The following UBTF variants were observed in gnomAD, a reference collection of about 807,000 sequenced individuals.
UBTF encodes nucleolar transcription factor 1.
A neutral mutation model predicts 112.3 loss-of-function variants in UBTF; 8 were observed. The observed-to-expected ratio is 0.07, with a 90% CI of 0.04 to 0.13. The LOEUF is 0.13. Among genes scored for constraint, UBTF ranks in the 10% least tolerant of loss-of-function variants. UBTF has a pLI of 1.00. For synonymous variants in UBTF, 417 were observed against 373.1 expected (o/e 1.12, Z -1.36); for missense variants, 457 against 982.1 (o/e 0.47, Z 7.15).
intron 2 of UBTF, among the ~76,000 whole-genome samples, chr17:44,217,223 A>G (rs1256370740): frequency 1.3e-5 from 2 of 152,198 alleles, no homozygotes; most frequent in East Asian, 1.9e-4. Flanking sequence ...CTGGAAACCA[A>G]TGTTAGAGAC....
chr17:44,217,127 T>C (rs2046884550), intron 2 of UBTF, among the ~76,000 whole-genome samples: 1 of 152,142 alleles, frequency 6.6e-6, no homozygotes, highest in Admixed American at 6.5e-5. Flanking sequence ...CAAGTTCAAG[T>C]TCTGAGTGGA....
At chr17:44,213,408 TG>T (rs1213950633) in intron 5 of UBTF, 126 bp from the exon 6 acceptor site, 1 of 1,054,044 alleles carries the variant, frequency 9.5e-7, no homozygotes, top group Non-Finnish European at 1.3e-6. Flanking sequence ...GAGTGGAGGC[TG>T]GCGCCCTGCC....
At chr17:44,216,939 G>A (rs1333658029) in intron 2 of UBTF, among the ~76,000 whole-genome samples, 1 of 152,230 alleles carries the variant, frequency 6.6e-6, no homozygotes, top group Non-Finnish European at 1.5e-5. Flanking sequence ...TCGAACTCAA[G>A]TCTGGCTTGC....
chr17:44,213,867 C>T (rs1218087609), intron 5 of UBTF, among the ~76,000 whole-genome samples: 1 of 152,128 alleles, frequency 6.6e-6, no homozygotes, highest in Non-Finnish European at 1.5e-5. Context: ...CTCACACCAT[C>T]ACCTTCTTCT....
Position 44,210,415 on chromosome 17 carries a change from C to A in UBTF, c.1418G>T (p.Gly473Val). 6.2e-7 allele frequency: 1 copy of A among 1,614,110 alleles called. No homozygotes were observed. Residue 473 changes from glycine (G) to valine (V), a missense_variant, in exon 14 of 21, where the codon GGG (glycine) becomes GTG (valine). By Grantham distance (109) the Gly-to-Val change is moderately radical. Around this residue, in one of 7 missense-constraint regions of UBTF, gnomAD observed 108 missense variants for 137.4 expected, o/e 0.79. Transcript: ENST00000436088. Reference protein sequence around the residue: ...LKAQSERKPGGEREERGKLPE... With the variant: ...LKAQSERKPGVEREERGKLPE... Reference sequence around the variant, plus strand: ...CAGCTTGCCCCGTTCCTCGCGCTCCCCGCCGGGCTTCCTCTCCGACTGAGC... The same window carrying A: ...CAGCTTGCCCCGTTCCTCGCGCTCCACGCCGGGCTTCCTCTCCGACTGAGC...
chr17:44,208,912 C>T (rs945313184), intron 17 of UBTF: 34 of 358,962 alleles, frequency 9.5e-5, no homozygotes, highest in Non-Finnish European at 1.5e-4. Context: ...TGGCTGCGGA[C>T]GGTGGCTCAA....
At chr17:44,216,083 T>C (rs2046830073) in intron 3 of UBTF, 94 bp from the exon 4 acceptor site, 1 of 981,396 alleles carries the variant, frequency 1.0e-6, no homozygotes, top group South Asian at 1.7e-5. Flanking sequence ...TCTTCTACTC[T>C]TTACTAGACT....
At chr17:44,213,342 A>C (rs536395950) in intron 5 of UBTF, 60 bp from the exon 6 acceptor site, 1 of 1,556,552 alleles carries the variant, frequency 6.4e-7, no homozygotes, top group Non-Finnish European at 8.8e-7. Flanking sequence ...CTGAGCTATG[A>C]AGGCCACCCA....
chr17:44,216,328 C>A lies in UBTF; in HGVS notation c.234+201G>T, dbSNP rs1383970887. ...TCAGGCTGTTTGGCTCAAGACCACT[C>A]AGATAGAAAGTGGCATAACTTTAAG... On this transcript the variant is annotated intron_variant, in intron 3 of 20. Transcript: ENST00000436088. The A allele has an allele frequency of 1.5e-5, 10 of 654,732 alleles. No homozygotes were observed. In the South Asian group the frequency reaches 1.8e-4, roughly 12 times the overall value. The allele number at this position is 654,732 out of a possible 1,614,324, so 40.6% of individuals were successfully genotyped here. A position where few individuals can be genotyped will look rare whatever the true frequency, so the allele number is the denominator to read the frequency against.
chr17:44,211,397 G>C lies in UBTF; in HGVS notation c.1048-66C>G. On this transcript the variant is annotated intron_variant, in intron 10 of 20. Transcript: ENST00000436088. The surrounding 1 kb of genome is among the most constrained non-coding windows in gnomAD (Gnocchi z 4.9). ...GTCACCACAGACCCTGCAGTACTCG[G>C]AGGACAGTGACCTTCAGCGGGCCTC... 1 of 1,605,386 alleles carries C rather than the reference G, an allele frequency of 6.2e-7. No homozygotes were observed. The highest frequency in any genetic ancestry group is 1.7e-5 in the Admixed American group (1 of 59,598).
At chr17:44,207,394 C>T (rs2056316957) in intron 20 of UBTF, 27 bp from the exon 21 acceptor site, 4 of 1,612,026 alleles carry the variant, frequency 2.5e-6, no homozygotes, top group Admixed American at 1.7e-5. Context: ...GATGTGGAGT[C>T]ACCAGGTGGC....
Position 44,209,055 on chromosome 17 carries a change from G to A in UBTF, c.1905+297C>T, listed in dbSNP as rs1367782964. ...GTGGTGGTACATGTCTGTAGCCCCA[G>A]CTACTCTGGAGGCTGTGGAAGGAGA... is the stretch of plus-strand genomic sequence containing the variant. On this transcript the variant is annotated intron_variant, in intron 17 of 20. Coordinates refer to ENST00000436088, the MANE Select transcript of UBTF (RefSeq NM_014233.4). 2.3e-4 allele frequency: 79 copies of A among 338,780 alleles called. No homozygotes were observed. In the Admixed American group the frequency reaches 3.5e-3, roughly 15 times the overall value. The allele number at this position is 338,780 out of a possible 1,614,324, so 21.0% of individuals were successfully genotyped here.
chr17:44,210,674 C>A (rs976036016), intron 13 of UBTF, 118 bp downstream of exon 13: 202 of 1,446,918 alleles, frequency 1.4e-4, no homozygotes, highest in Non-Finnish European at 1.8e-4. Flanking sequence ...GGCCCCACGT[C>A]CCAGCCCAGG....
rs369107806 is a variant in UBTF at position 44,212,956 on chromosome 17, G to A, written c.540-17C>T. On this transcript the variant is annotated splice_polypyrimidine_tract_variant and intron_variant, in intron 6 of 20. Coordinates refer to ENST00000436088, the MANE Select transcript of UBTF (RefSeq NM_014233.4). ...TGATCCTCCCTAGCCAGGACACGGG[G>A]AGCAAGGATCAGCAGGGGACGCTGC... 3.7e-6 allele frequency: 6 copies of A among 1,613,314 alleles called. No homozygotes were observed. The African/African-American group carries it at 4.0e-5, about 11-fold the overall frequency.
Position 44,215,749 on chromosome 17 carries a change from G to T in UBTF, c.379C>A (p.Arg127=). The T allele has an allele frequency of 2.5e-6, 4 of 1,614,088 alleles. No individual in the cohort carries two copies. The highest frequency in any genetic ancestry group is 3.4e-6 in the Non-Finnish European group (4 of 1,180,016). ...GGGTGGAGTTTCGCATACTTGGCCC[G>T]CTTCTCCATGAAGAAGCGGAAATAA... ...TPYFRFFMEK[R]AKYAKLHPEM... is the part of the protein sequence containing the mutation. The change falls in exon 5 of 21, where the codon CGG becomes AGG. Residue 127 remains arginine, a synonymous_variant. Coordinates refer to ENST00000436088, the MANE Select transcript of UBTF (RefSeq NM_014233.4).
chr17:44,213,344 G>A (rs1366502501), intron 5 of UBTF, 62 bp from the exon 6 acceptor site: 5 of 1,553,482 alleles, frequency 3.2e-6, no homozygotes, highest in Middle Eastern at 1.7e-4. Flanking sequence ...GAGCTATGAA[G>A]GCCACCCAGA....
At position 44,207,148 on chromosome 17, in the gene UBTF, G is replaced by A. The variant is rs552987056; in HGVS notation, c.*94C>T. ...GAAAGAAAGTGGGGGAGGCCAGGGG[G>A]GCAAGGGACAGAACATGGGGGAGAA... On this transcript the variant is annotated 3_prime_UTR_variant, in exon 21 of 21. Transcript: ENST00000436088. 8.2e-5 allele frequency: 116 copies of A among 1,407,694 alleles called. No homozygotes were observed. The African/African-American group carries it at 1.4e-3, about 17-fold the overall frequency. 87.2% of individuals were successfully genotyped at this position (1,407,694 alleles called of 1,614,324 possible).
At chr17:44,218,821 G>A (rs999279379) in intron 1 of UBTF, among the ~76,000 whole-genome samples, 6 of 150,448 alleles carry the variant, frequency 4.0e-5, no homozygotes, top group Non-Finnish European at 7.4e-5. Context: ...CCCCGGAGCG[G>A]AGCGGCCGCA....
In UBTF at chr17:44,216,526, T is replaced by C; in HGVS notation, c.234+3A>G. ...TGTATGTCAGAAAAGGGGGATCAGT[T>C]ACCTCATTAGAAATCTCCACCCATT... On this transcript the variant is annotated splice_donor_region_variant and intron_variant, in intron 3 of 20. Transcript: ENST00000436088. 6.2e-7 allele frequency: 1 copy of C among 1,614,056 alleles called. No individual in the cohort carries two copies. Among genetic ancestry groups the C allele is most frequent in the Non-Finnish European group, 8.5e-7 (1 of 1,179,884 alleles).
Sources: allele counts gnomAD v4.1 joint callset (sites outside exome capture counted in the v4.1 genomes callset), GRCh38; gene constraint gnomAD v4.1.1; regional missense constraint gnomAD v4.1.1; non-coding constraint Gnocchi (gnomAD v3.1); transcripts MANE v1.5; gene names NCBI Gene and HGNC (gene_info 2026-07-23, HGNC 2026-07-21).